Variants in HMGXB4 observed in about 807,000 individuals in gnomAD.
HMGXB4 encodes the protein HMG domain-containing protein 4.
A neutral mutation model predicts 63.9 loss-of-function variants in HMGXB4; 27 were observed. The observed-to-expected ratio is 0.42, with a 90% CI of 0.31 to 0.58. The LOEUF is 0.58. Ranked by LOEUF, HMGXB4 falls within the 20% of genes least tolerant of loss-of-function variation. The probability of loss-of-function intolerance (pLI) is 0.13; values close to 1 mark genes in which losing one functional copy is unlikely to be tolerated. For missense variants in HMGXB4, 624 were observed against 700.7 expected (o/e 0.89, Z 1.24); for synonymous variants, 264 against 265.3 (o/e 0.99, Z 0.05).
chr22:35,289,014 C>G lies in HMGXB4; in HGVS notation c.1638+607C>G, dbSNP rs574858004. On this transcript the variant is annotated intron_variant, in intron 9 of 10. Coordinates refer to ENST00000216106, the MANE Select transcript of HMGXB4 (RefSeq NM_001003681.3). ...AATTAGCCAGGTGTGGTGGCATGCA[C>G]CTGTGGTCCCAGCTACTCGGGAGGC... Among the ~76,000 whole-genome samples, 99 of 152,240 alleles carry G rather than the reference C, an allele frequency of 6.5e-4. 1 individual carries two copies. Among genetic ancestry groups the G allele is most frequent in the African/African-American group, 2.3e-3 (95 of 41,540 alleles).
In HMGXB4 at chr22:35,293,837, A is replaced by C. The variant is rs1467737468; in HGVS notation, c.*186A>C. ...GACTGTAACTACTTTGCTTTTAATA[A>C]TTTTATGAAATGGCAAAGGTTTAGC... is the stretch of plus-strand genomic sequence containing the variant. On this transcript the variant is annotated 3_prime_UTR_variant, in exon 11 of 11. Transcript: ENST00000216106. The C allele has an allele frequency of 2.9e-6, 1 of 341,332 alleles. No individual in the cohort carries two copies. The highest frequency in any genetic ancestry group is 5.2e-6 in the Non-Finnish European group (1 of 192,724). 21.1% of individuals were successfully genotyped at this position (341,332 alleles called of 1,614,324 possible).
At chr22:35,255,316 G>C (rs1444702917), upstream of HMGXB4, among the ~76,000 whole-genome samples, 5 of 151,412 alleles carry the variant, frequency 3.3e-5, no homozygotes, top group Non-Finnish European at 7.4e-5. Context: ...TGGGCAACAT[G>C]GTAAAAAAAA....
intron 5 of HMGXB4, among the ~76,000 whole-genome samples, chr22:35,277,317 G>T (rs1923970570): frequency 6.6e-6 from 1 of 152,100 alleles, no homozygotes; most frequent in African/African-American, 2.4e-5. Flanking sequence ...TCTTAATGTT[G>T]GTTCGATGCA....
intron 5 of HMGXB4, among the ~76,000 whole-genome samples, chr22:35,271,493 G>A (rs12485178): frequency 0.51 from 77,016 of 152,086 alleles, 22,642 homozygotes; most frequent in Non-Finnish European, 0.65. Context: ...GTCGTTGAGA[G>A]CGTGGGCTGT....
chr22:35,260,107 G>A (rs1415129112), intron 1 of HMGXB4, among the ~76,000 whole-genome samples: 1 of 152,200 alleles, frequency 6.6e-6, no homozygotes, highest in Non-Finnish European at 1.5e-5. Context: ...GTTACCAAAG[G>A]GAAGGCCTGT....
At chr22:35,277,213 C>A (rs1318211053) in intron 5 of HMGXB4, among the ~76,000 whole-genome samples, 1 of 152,210 alleles carries the variant, frequency 6.6e-6, no homozygotes, top group Non-Finnish European at 1.5e-5. Context: ...CTTTCAGTCT[C>A]TTATAGTTGT....
chr22:35,286,090 T>A (rs1293949581), intron 7 of HMGXB4, 29 bp downstream of exon 7: 1 of 1,505,454 alleles, frequency 6.6e-7, no homozygotes, highest in Admixed American at 1.8e-5. Flanking sequence ...AAACATATTT[T>A]TCAGTGCTTC....
chr22:35,276,742 C>T (rs1169438393), intron 5 of HMGXB4, among the ~76,000 whole-genome samples: 1 of 152,186 alleles, frequency 6.6e-6, no homozygotes, highest in Non-Finnish European at 1.5e-5. Context: ...CCAGCACCCA[C>T]AACATACTTC....
At chr22:35,292,941 G>A (rs1418181043) in intron 9 of HMGXB4, 51 bp from the exon 10 acceptor site, 1 of 1,612,558 alleles carries the variant, frequency 6.2e-7, no homozygotes. Context: ...AAGTCAGCCG[G>A]AACACAGCAT....
intron 1 of HMGXB4, among the ~76,000 whole-genome samples, chr22:35,259,148 TA>T (rs150430458): frequency 0.025 from 3,776 of 152,290 alleles, 155 homozygotes; most frequent in African/African-American, 0.085. Context: ...TCCTTTTTCA[TA>T]TCCTGAAGAA....
At chr22:35,264,042 C>G in intron 4 of HMGXB4, 168 bp downstream of exon 4, 1 of 1,547,830 alleles carries the variant, frequency 6.5e-7, no homozygotes, top group Non-Finnish European at 8.7e-7. Flanking sequence ...AGGTGGAGGG[C>G]TGGTATTTTG....
Position 35,265,518 on chromosome 22 carries a change from C to T in HMGXB4, c.1130C>T (p.Pro377Leu). 4 of 1,613,606 alleles carry T rather than the reference C, an allele frequency of 2.5e-6. No individual in the cohort carries two copies. Among genetic ancestry groups the T allele is most frequent in the Non-Finnish European group, 2.5e-6 (3 of 1,179,926 alleles). The change falls in exon 5 of 11, where the codon CCA becomes CTA. Residue 377 changes from proline to leucine, a missense_variant. Physicochemically the swap from Pro to Leu is moderately conservative, Grantham distance 98 (BLOSUM62 -3). Coordinates refer to ENST00000216106, the MANE Select transcript of HMGXB4 (RefSeq NM_001003681.3). The stretch of plus-strand genomic sequence containing the variant: ...GCTGGAGCAGCAGCACCTCCCCTGC[C>T]ACTTCCTGGCCTCCACACAGATGGG... The part of the protein sequence containing the change: ...PYAGAAAPPL[P>L]LPGLHTDGHS...
Position 35,294,508 on chromosome 22 carries a change from T to G in HMGXB4, c.*857T>G, listed in dbSNP as rs1025894852. On this transcript the variant is annotated 3_prime_UTR_variant, in exon 11 of 11. Transcript: ENST00000216106. ...TTGCTCGGTGGTTATGGATAAACTTTGCCCAGCATGATTTTTGGGTTCATC... is the reference window on the plus strand; with the variant it reads ...TTGCTCGGTGGTTATGGATAAACTTGGCCCAGCATGATTTTTGGGTTCATC... 2.0e-5 allele frequency: 3 copies of G among 152,596 alleles called. No individual in the cohort carries two copies. The highest frequency in any genetic ancestry group is 6.5e-5 in the Admixed American group (1 of 15,270). 9.5% of individuals were successfully genotyped at this position (152,596 alleles called of 1,614,324 possible).
At chr22:35,246,881 T>C in the HMGXB4 span, among the ~76,000 whole-genome samples, 32 of 152,372 alleles carry the variant, frequency 2.1e-4, no homozygotes, top group East Asian at 5.6e-3. Flanking sequence ...TGGAACCAGA[T>C]GACTTCTTGA....
In HMGXB4 at chr22:35,270,417, TATTTC is replaced by T. The variant is rs768707330; in HGVS notation, c.1215+4818_1215+4822del. Among the ~76,000 whole-genome samples, 10 of 152,364 alleles carry T rather than the reference TATTTC, an allele frequency of 6.6e-5. No individual in the cohort carries two copies. The East Asian group carries it at 1.7e-3, about 26-fold the overall frequency. On this transcript the variant is annotated intron_variant, in intron 5 of 10. Transcript: ENST00000216106. ...TCTACATGATGGTGAGTTGTATAATTATTTCATTATATGTTACAATGTAATACTAA... is the reference window on the plus strand; with the variant it reads ...TCTACATGATGGTGAGTTGTATAATTATTATATGTTACAATGTAATACTAA...
chr22:35,244,288 T>C, the HMGXB4 span, among the ~76,000 whole-genome samples: 1 of 104,462 alleles, frequency 9.6e-6, no homozygotes, highest in African/African-American at 3.5e-5. Context: ...TAATTTCTTT[T>C]TCTTTTTTCT....
At chr22:35,257,855 C>T (rs980614453) in intron 1 of HMGXB4, among the ~76,000 whole-genome samples, 30 of 152,004 alleles carry the variant, frequency 2.0e-4, no homozygotes, top group African/African-American at 7.2e-4. Context: ...GCCTGCGGAC[C>T]CGGGCCGCCC....
chr22:35,279,061 A>G (rs911585042), intron 5 of HMGXB4, among the ~76,000 whole-genome samples: 15 of 149,786 alleles, frequency 1.0e-4, no homozygotes, highest in Non-Finnish European at 1.0e-4. Flanking sequence ...GAAAAGAGAG[A>G]GAGATTTTTG....
chr22:35,244,998 G>A, the HMGXB4 span, among the ~76,000 whole-genome samples: 2 of 152,202 alleles, frequency 1.3e-5, no homozygotes, highest in East Asian at 1.9e-4. Context: ...TCAGCCTCCC[G>A]AGTAGCTGGG....
Sources: allele counts gnomAD v4.1 joint callset (sites outside exome capture counted in the v4.1 genomes callset), GRCh38; gene constraint gnomAD v4.1.1; transcripts MANE v1.5; gene names NCBI Gene and HGNC (gene_info 2026-07-23, HGNC 2026-07-21).